Variants in TCEA3 observed in about 807,000 individuals in gnomAD.
TCEA3 encodes the protein transcription elongation factor A protein 3.
In TCEA3, 36 loss-of-function variants were observed where a neutral mutation model predicts 44.0. The observed-to-expected ratio is 0.82, with a 90% CI of 0.63 to 1.08. The LOEUF (loss-of-function observed/expected upper bound fraction) is 1.08, where lower values mean the gene tolerates loss of function less well. Ranked by LOEUF, TCEA3 falls within the 50% of genes least tolerant of loss-of-function variation. The probability of loss-of-function intolerance (pLI) is 0.00; values close to 1 mark genes in which losing one functional copy is unlikely to be tolerated. For synonymous variants in TCEA3, 162 were observed against 159.7 expected (o/e 1.01, Z -0.11); for missense variants, 392 against 441.2 (o/e 0.89, Z 1.00).
At chr1:23,398,699 C>T (rs1263192429) in intron 5 of TCEA3, among the ~76,000 whole-genome samples, 1 of 152,196 alleles carries the variant, frequency 6.6e-6, no homozygotes, top group East Asian at 1.9e-4. Flanking sequence ...TTGCCTAAGG[C>T]TATACACCAC....
chr1:23,384,239 C>CA, intron 10 of TCEA3, 107 bp downstream of exon 10: 1 of 1,594,206 alleles, frequency 6.3e-7, no homozygotes, highest in Admixed American at 1.7e-5. Flanking sequence ...TGCAGGCTGG[C>CA]AAGTGCTGCC....
intron 7 of TCEA3, among the ~76,000 whole-genome samples, chr1:23,394,732 T>G (rs1169027891): frequency 2.0e-5 from 3 of 152,202 alleles, no homozygotes; most frequent in Non-Finnish European, 1.5e-5. Flanking sequence ...CATTAACAGA[T>G]GAGGAAGCTG....
Position 23,397,726 on chromosome 1 carries a change from C to T in TCEA3, c.607+66G>A, listed in dbSNP as rs1052045633. ...GGTGCTGAGAAAGACTGAATTTCAT[C>T]TGCCCTCAGTGAGATTGGGAAAAGG... On this transcript the variant is annotated intron_variant, in intron 6 of 10. Coordinates refer to ENST00000450454, the MANE Select transcript of TCEA3 (RefSeq NM_003196.3). 157 of 1,610,578 alleles carry T rather than the reference C, an allele frequency of 9.7e-5. 1 individual carries two copies. The highest frequency in any genetic ancestry group is 1.3e-4 in the Non-Finnish European group (150 of 1,177,994).
intron 5 of TCEA3, among the ~76,000 whole-genome samples, chr1:23,399,144 G>GTATATATGTATATATATA (rs1553167290): frequency 8.2e-5 from 5 of 61,144 alleles, no homozygotes; most frequent in Non-Finnish European, 1.6e-4. Context: ...ATGTATATAT[G>GTATATATGTATATATATA]TATATATATA....
intron 1 of TCEA3, among the ~76,000 whole-genome samples, chr1:23,420,720 C>T (rs1640037417): frequency 6.6e-6 from 1 of 152,192 alleles, no homozygotes; most frequent in African/African-American, 2.4e-5. Flanking sequence ...TAGGGCTCAG[C>T]AGAGAGTCCA....
chr1:23,383,038 G>C (rs367654593), intron 10 of TCEA3, among the ~76,000 whole-genome samples: 4 of 152,310 alleles, frequency 2.6e-5, no homozygotes, highest in African/African-American at 9.6e-5. Flanking sequence ...CCAGCACTTT[G>C]GGAGGCCGAG....
chr1:23,398,961 T>C (rs1639300182), intron 5 of TCEA3, among the ~76,000 whole-genome samples: 1 of 151,088 alleles, frequency 6.6e-6, no homozygotes, highest in Non-Finnish European at 1.5e-5. Context: ...AGAGATGGGA[T>C]CTCACCATGT....
rs67325313 is a variant in TCEA3, at chr1:23,400,373, C to CTTTTTTTTTTTTTTTT, written c.444-2419_444-2418insAAAAAAAAAAAAAAAA. 4.0e-4 allele frequency among the ~76,000 whole-genome samples: 54 copies of CTTTTTTTTTTTTTTTT among 133,446 alleles called. 2 individuals carry two copies. Among genetic ancestry groups the CTTTTTTTTTTTTTTTT allele is most frequent in the African/African-American group, 1.5e-3 (49 of 32,542 alleles). 87.5% of individuals were successfully genotyped at this position (133,446 alleles called of 152,430 possible). ...TACAGGCAGATGCCGCCACACCAGG[C>CTTTTTTTTTTTTTTTT]TTTTTTTTTTTTTTTGTAGAAATGG... On this transcript the variant is annotated intron_variant, in intron 5 of 10. Transcript: ENST00000450454.
intron 2 of TCEA3, 132 bp from the exon 3 acceptor site, chr1:23,418,141 C>T (rs1639947697): frequency 2.3e-6 from 2 of 856,580 alleles, no homozygotes; most frequent in Non-Finnish European, 3.7e-6. Flanking sequence ...CTAGCCCTGA[C>T]TCCTGGCTGA....
chr1:23,420,148 C>T (rs900701612), intron 1 of TCEA3, among the ~76,000 whole-genome samples: 7 of 152,160 alleles, frequency 4.6e-5, no homozygotes, highest in Non-Finnish European at 7.3e-5. Flanking sequence ...TGGCTTATTT[C>T]GGCATAATGA....
chr1:23,387,146 C>T, intron 9 of TCEA3, 127 bp downstream of exon 9: 2 of 1,277,412 alleles, frequency 1.6e-6, no homozygotes, highest in East Asian at 5.1e-5. Context: ...AGCCACCGCA[C>T]CCGGCAAAGC....
In TCEA3 at chr1:23,408,615, C is replaced by T. The variant is rs964905237; in HGVS notation, c.443+49G>A. Reference sequence around the variant, plus strand: ...TCCTCCATAAAAACAGAGAAGGGGACACAGGCTGAATAGGACACTGGGATG... The same window carrying T: ...TCCTCCATAAAAACAGAGAAGGGGATACAGGCTGAATAGGACACTGGGATG... On this transcript the variant is annotated intron_variant, in intron 5 of 10. Coordinates refer to ENST00000450454, the MANE Select transcript of TCEA3 (RefSeq NM_003196.3). The T allele has an allele frequency of 2.5e-6, 4 of 1,573,536 alleles. No homozygotes were observed. In the African/African-American group the frequency reaches 4.1e-5, roughly 16 times the overall value.
In TCEA3 at chr1:23,387,335, C is replaced by T. The variant is rs759733860; in HGVS notation, c.904G>A (p.Gly302Ser). 2.6e-5 allele frequency: 42 copies of T among 1,613,720 alleles called. No homozygotes were observed. The highest frequency in any genetic ancestry group is 1.3e-5 in the African/African-American group (1 of 74,922). ...CACTGGAAGAGGTCAGTGGTGGTGC[C>T]GCCAGTCTTGGCCATCTGGTGCTCA... ...IREHQMAKTG[G>S]TTTDLFQCSK... Residue 302 changes from glycine to serine, a missense_variant, in exon 9 of 11, where the codon GGC (glycine) becomes AGC (serine). Gly to Ser is a moderately conservative substitution (Grantham distance 56). Coordinates refer to ENST00000450454, the MANE Select transcript of TCEA3 (RefSeq NM_003196.3).
intron 10 of TCEA3, among the ~76,000 whole-genome samples, chr1:23,382,123 C>T (rs546625144): frequency 3.6e-4 from 55 of 151,806 alleles, no homozygotes; most frequent in East Asian, 1.2e-3. Flanking sequence ...CTTGGCTCAC[C>T]GCAATCTCCG....
chr1:23,397,885 A>G lies in TCEA3; in HGVS notation c.514T>C (p.Ser172Pro), dbSNP rs1249092145. The change falls in exon 6 of 11, where the codon TCT (serine) becomes CCT (proline). Residue 172 changes from serine (S) to proline (P), a missense_variant. Coordinates refer to ENST00000450454, the MANE Select transcript of TCEA3 (RefSeq NM_003196.3). ...PSSPLTPTFA[S>P]SMCLLAPCYL... ...CAGGGGGCCAGGAGACACATGGAAG[A>G]GGCAAACGTGGGGGTCAAGGGGCTG... The G allele has an allele frequency of 1.2e-6, 2 of 1,613,882 alleles. No individual in the cohort carries two copies. The highest frequency in any genetic ancestry group is 1.7e-6 in the Non-Finnish European group (2 of 1,179,848).
intron 4 of TCEA3, among the ~76,000 whole-genome samples, chr1:23,410,033 C>T (rs1639665683): frequency 1.3e-5 from 2 of 151,988 alleles, no homozygotes; most frequent in Admixed American, 6.6e-5. Flanking sequence ...CTCCCCAGGG[C>T]CTCTGTCTGA....
intron 9 of TCEA3, 131 bp downstream of exon 9, chr1:23,387,142 C>A (rs563790286): frequency 3.2e-6 from 4 of 1,233,668 alleles, no homozygotes; most frequent in Non-Finnish European, 4.4e-6. Context: ...CATGAGCCAC[C>A]GCACCCGGCA....
intron 10 of TCEA3, chr1:23,384,009 C>T (rs888625815): frequency 8.7e-6 from 10 of 1,150,848 alleles, no homozygotes; most frequent in South Asian, 3.3e-5. Context: ...TCCAAAGAGG[C>T]GTGGTCCAAG....
intron 2 of TCEA3, among the ~76,000 whole-genome samples, chr1:23,418,743 G>T (rs1469063462): frequency 6.6e-6 from 1 of 152,098 alleles, no homozygotes; most frequent in African/African-American, 2.4e-5. Context: ...GCTACACAGG[G>T]ATTTTAAATG....
Sources: gnomAD v4.1 joint callset for allele counts (sites outside exome capture counted in the v4.1 genomes callset) on GRCh38, gnomAD v4.1.1 for gene constraint, MANE v1.5 for transcripts, NCBI Gene and HGNC (gene_info 2026-07-23, HGNC 2026-07-21) for gene names.